ELMO1: variants seen among roughly 807,000 people sequenced by gnomAD.
ELMO1 encodes engulfment and cell motility protein 1.
Under a neutral mutation model 98.9 loss-of-function variants are expected in ELMO1, and 26 were observed. The ratio of observed to expected loss-of-function variants is 0.26; its 90% CI spans 0.19 to 0.36. The LOEUF (loss-of-function observed/expected upper bound fraction) is 0.36. Ranked by LOEUF, ELMO1 falls within the 10% of genes least tolerant of loss-of-function variation. ELMO1 has a pLI of 1.00. For synonymous variants in ELMO1, 346 were observed against 346.0 expected, an observed-to-expected ratio of 1.00 and a Z score of 0.00; for missense variants, 627 against 935.2, an observed-to-expected ratio of 0.67 and a Z score of 4.30.
At chr7:37,235,291 C>G (rs1794401348) in intron 7 of ELMO1, among the ~76,000 whole-genome samples, 1 of 151,920 alleles carries the variant, frequency 6.6e-6, no homozygotes, top group Non-Finnish European at 1.5e-5. Flanking sequence ...AAATAAGAGC[C>G]AGGAAATAAA....
At chr7:36,919,082 T>A (rs1374879799) in intron 16 of ELMO1, among the ~76,000 whole-genome samples, 4 of 152,154 alleles carry the variant, frequency 2.6e-5, no homozygotes, top group African/African-American at 9.7e-5. Flanking sequence ...GAATTTAGCA[T>A]CCATAATAAA....
At chr7:36,913,773 G>C (rs902037450) in intron 16 of ELMO1, among the ~76,000 whole-genome samples, 1 of 152,196 alleles carries the variant, frequency 6.6e-6, no homozygotes, top group African/African-American at 2.4e-5. Flanking sequence ...GGGTACTGCA[G>C]TTGTTTGCTG....
At chr7:37,030,965 C>T (rs552093932) in intron 15 of ELMO1, among the ~76,000 whole-genome samples, 3 of 152,166 alleles carry the variant, frequency 2.0e-5, no homozygotes, top group Non-Finnish European at 4.4e-5. Context: ...AACATAACTC[C>T]TATTCTTTAT....
chr7:37,168,048 T>C (rs1182314651), intron 13 of ELMO1, among the ~76,000 whole-genome samples: 2 of 149,328 alleles, frequency 1.3e-5, no homozygotes, highest in Non-Finnish European at 1.5e-5. Context: ...CTTTTTATTC[T>C]TTTTTCTCTA....
chr7:37,443,735 A>C (rs190711992), intron 1 of ELMO1, among the ~76,000 whole-genome samples: 299 of 152,358 alleles, frequency 2.0e-3, no homozygotes, highest in Non-Finnish European at 3.3e-3. Flanking sequence ...CAGGGAAATA[A>C]GCATTGCAAC....
chr7:37,260,046 G>A (rs1372773979), intron 5 of ELMO1, among the ~76,000 whole-genome samples: 4 of 152,182 alleles, frequency 2.6e-5, no homozygotes, highest in Non-Finnish European at 4.4e-5. Flanking sequence ...GAGAGGAATC[G>A]AAATATATTA....
At chr7:36,866,517 G>A (rs781051812) in intron 20 of ELMO1, among the ~76,000 whole-genome samples, 1 of 152,198 alleles carries the variant, frequency 6.6e-6, no homozygotes, top group Non-Finnish European at 1.5e-5. Context: ...CACCTCAAGG[G>A]AAAGGACCAA....
chr7:36,899,782 A>G (rs992910467), intron 16 of ELMO1, among the ~76,000 whole-genome samples: 9 of 147,484 alleles, frequency 6.1e-5, no homozygotes, highest in African/African-American at 2.2e-4. Flanking sequence ...TTTATGGTAC[A>G]TACTGGATAT....
rs886943746 is a variant in ELMO1, at chr7:37,273,337, G to A, written c.193-1455C>T. 2.0e-5 allele frequency among the ~76,000 whole-genome samples: 3 copies of A among 152,248 alleles called. No homozygotes were observed. In the South Asian group the frequency reaches 6.2e-4, roughly 32 times the overall value. On this transcript the variant is annotated intron_variant, in intron 4 of 21. Transcript: ENST00000310758. ...GCAGTTTCCCCCATGCCATTCTCGTGAGAGTGAGTGAGTTCTCACGAGATC... is the reference window on the plus strand; with the variant it reads ...GCAGTTTCCCCCATGCCATTCTCGTAAGAGTGAGTGAGTTCTCACGAGATC...
chr7:37,427,418 T>C (rs998239876), intron 1 of ELMO1, among the ~76,000 whole-genome samples: 2 of 152,258 alleles, frequency 1.3e-5, no homozygotes, highest in African/African-American at 2.4e-5. Flanking sequence ...CACCTCAGTC[T>C]GGGTCAGCAG....
chr7:37,298,635 A>C (rs1205718788), intron 4 of ELMO1, among the ~76,000 whole-genome samples: 1 of 138,500 alleles, frequency 7.2e-6, no homozygotes, highest in Admixed American at 7.5e-5. Context: ...ACATGAACTC[A>C]TCATTTTTTA....
At chr7:37,214,856 A>G (rs1793191341) in intron 11 of ELMO1, among the ~76,000 whole-genome samples, 1 of 151,958 alleles carries the variant, frequency 6.6e-6, no homozygotes, top group African/African-American at 2.4e-5. Flanking sequence ...ACAACATCTC[A>G]TACAAGAAGT....
At chr7:37,175,095 A>C (rs1452791076) in intron 13 of ELMO1, among the ~76,000 whole-genome samples, 1 of 152,182 alleles carries the variant, frequency 6.6e-6, no homozygotes, top group Admixed American at 6.6e-5. Flanking sequence ...GGAAAAAAGG[A>C]AGGCGGGAAA....
intron 2 of ELMO1, among the ~76,000 whole-genome samples, chr7:37,330,971 T>C (rs994611757): frequency 2.6e-5 from 4 of 152,174 alleles, no homozygotes; most frequent in Admixed American, 2.0e-4. Flanking sequence ...GAAGTGTCTA[T>C]AGCGTGCATA....
chr7:37,406,674 C>T (rs1803780928), intron 1 of ELMO1, among the ~76,000 whole-genome samples: 1 of 152,040 alleles, frequency 6.6e-6, no homozygotes, highest in South Asian at 2.1e-4. Context: ...GAACTCCTGA[C>T]CTTGTGATCT....
chr7:37,074,575 T>C (rs1797460986), intron 15 of ELMO1, among the ~76,000 whole-genome samples: 1 of 152,196 alleles, frequency 6.6e-6, no homozygotes, highest in African/African-American at 2.4e-5. Flanking sequence ...CCTTTTGTCT[T>C]TGCTGTCCTA....
chr7:36,912,760 T>G (rs1436075052), intron 16 of ELMO1, among the ~76,000 whole-genome samples: 2 of 152,224 alleles, frequency 1.3e-5, no homozygotes, highest in Non-Finnish European at 2.9e-5. Flanking sequence ...ATTTATCACC[T>G]CTGAGCCTTA....
chr7:37,385,023 C>T (rs996564975), intron 1 of ELMO1, among the ~76,000 whole-genome samples: 6 of 152,170 alleles, frequency 3.9e-5, no homozygotes, highest in African/African-American at 1.4e-4. Context: ...TTCTAAGAAT[C>T]GTAAACACTG....
chr7:37,287,630 GAA>G (rs1389168826), intron 4 of ELMO1, among the ~76,000 whole-genome samples: 1 of 152,186 alleles, frequency 6.6e-6, no homozygotes, highest in East Asian at 1.9e-4. Context: ...TTCAAGCAAT[GAA>G]AAGTTTACGT....
Sources: gnomAD v4.1 joint callset for allele counts (sites outside exome capture counted in the v4.1 genomes callset) on GRCh38, gnomAD v4.1.1 for gene constraint, MANE v1.5 for transcripts, NCBI Gene and HGNC (gene_info 2026-07-23, HGNC 2026-07-21) for gene names.